The following RASL11A variants were observed in gnomAD, a reference collection of about 807,000 sequenced individuals.
The protein encoded by RASL11A is RAS like family 11 member A.
Under a neutral mutation model 17.1 loss-of-function variants are expected in RASL11A, and 14 were observed. That is an observed-to-expected ratio of 0.82 (90% CI 0.54 to 1.28). The LOEUF (loss-of-function observed/expected upper bound fraction) is 1.28, where lower values mean the gene tolerates loss of function less well. Among genes scored for constraint, RASL11A ranks in the 50% most tolerant of loss-of-function variants. The pLI is 0.00. For missense variants in RASL11A, 283 were observed against 312.3 expected (o/e 0.91, Z 0.71); for synonymous variants, 146 against 132.5 (o/e 1.10, Z -0.70).
chr13:27,271,402 C>T lies in RASL11A; in HGVS notation c.125-82C>T, dbSNP rs1593267857. ...GCAGTGCCCACGGTTCTGCACCCTTCACTCCCCCCAGTTTGTCCGAGGTGC... is the reference window on the plus strand; with the variant it reads ...GCAGTGCCCACGGTTCTGCACCCTTTACTCCCCCCAGTTTGTCCGAGGTGC... On this transcript the variant is annotated intron_variant, in intron 1 of 3. Transcript: ENST00000241463. The T allele has an allele frequency of 1.4e-5, 22 of 1,578,444 alleles. No individual in the cohort carries two copies. The East Asian group carries it at 4.9e-4, about 35-fold the overall frequency.
chr13:27,272,367 A>C (rs1882321186), intron 3 of RASL11A, among the ~76,000 whole-genome samples: 1 of 152,182 alleles, frequency 6.6e-6, no homozygotes, highest in Non-Finnish European at 1.5e-5. Context: ...TCCTGACCTC[A>C]AGTGATCCGC....
rs74041100 is a variant in RASL11A at position 27,274,850 on chromosome 13, T to C, written c.*1356T>C. 0.016 allele frequency among the ~76,000 whole-genome samples: 2,362 copies of C among 152,194 alleles called. 64 individuals carry two copies. The highest frequency in any genetic ancestry group is 0.053 in the African/African-American group (2,212 of 41,468). Reference sequence around the variant, plus strand: ...GAGTGGTAAGTTTTAAGTAAACATATAATGAATAAATGAATGAATGCACCA... The same window carrying C: ...GAGTGGTAAGTTTTAAGTAAACATACAATGAATAAATGAATGAATGCACCA... On this transcript the variant is annotated 3_prime_UTR_variant, in exon 4 of 4. Transcript: ENST00000241463.
rs1882342360 is a variant in RASL11A, at chr13:27,273,040, T to TC, written c.280dup (p.Gln94ProfsTer26). ...ATGTTTTCTCAGATCCAAGACAGCC[T>TC]CCCCCAGGTCGTCGATTCCCTGTCC... On this transcript the variant is annotated frameshift_variant, in exon 4 of 4. Transcript: ENST00000241463. LOFTEE classifies it high-confidence loss of function. 2 of 1,613,484 alleles carry TC rather than the reference T, an allele frequency of 1.2e-6. No individual in the cohort carries two copies. The highest frequency in any genetic ancestry group is 1.7e-5 in the Admixed American group (1 of 60,004).
intron 1 of RASL11A, 129 bp from the exon 2 acceptor site, chr13:27,271,344 GGCACCACGGCT>G: frequency 6.7e-7 from 1 of 1,501,690 alleles, no homozygotes. Flanking sequence ...CCAAGCCCGC[GGCACCACGGCT>G]TTGCGGAGCC....
Position 27,271,541 on chromosome 13 carries a change from G to A in RASL11A, c.181+1G>A. 1 of 1,614,136 alleles carries A rather than the reference G, an allele frequency of 6.2e-7. No individual in the cohort carries two copies. The highest frequency in any genetic ancestry group is 8.5e-7 in the Non-Finnish European group (1 of 1,179,960). On this transcript the variant is annotated splice_donor_variant, in intron 2 of 3. Coordinates refer to ENST00000241463, the MANE Select transcript of RASL11A (RefSeq NM_206827.2). LOFTEE classifies it high-confidence loss of function. ...ATTGGAGACTATGAACCGAATACAGGTGAGAATACTTTCACGCTCCCTGCT... is the reference window on the plus strand; with the variant it reads ...ATTGGAGACTATGAACCGAATACAGATGAGAATACTTTCACGCTCCCTGCT...
At chr13:27,272,567 G>T (rs1882328588) in intron 3 of RASL11A, among the ~76,000 whole-genome samples, 1 of 152,184 alleles carries the variant, frequency 6.6e-6, no homozygotes, top group South Asian at 2.1e-4. Flanking sequence ...GTTCTCCAGA[G>T]GAAAGGTCTT....
At chr13:27,272,377 C>A (rs1291124772) in intron 3 of RASL11A, among the ~76,000 whole-genome samples, 1 of 152,202 alleles carries the variant, frequency 6.6e-6, no homozygotes, top group Non-Finnish European at 1.5e-5. Context: ...AAGTGATCCG[C>A]CCACCTCGGC....
Position 27,273,928 on chromosome 13 carries a change from G to A in RASL11A, c.*434G>A, listed in dbSNP as rs1014661769. Among the ~76,000 whole-genome samples the A allele has an allele frequency of 5.3e-5, 8 of 151,926 alleles. No homozygotes were observed. The highest frequency in any genetic ancestry group is 1.2e-4 in the Non-Finnish European group (8 of 67,990). The stretch of plus-strand genomic sequence containing the variant: ...GTGGGAGAAAGGAAAGTATGTGGAG[G>A]AGGAGAGGGATTTTAATAACGGCAG... On this transcript the variant is annotated 3_prime_UTR_variant, in exon 4 of 4. Transcript: ENST00000241463.
Position 27,271,633 on chromosome 13 carries a change from C to A in RASL11A, c.182-6C>A, listed in dbSNP as rs1186320874. 1 of 1,614,100 alleles carries A rather than the reference C, an allele frequency of 6.2e-7. No individual in the cohort carries two copies. The highest frequency in any genetic ancestry group is 1.7e-5 in the Admixed American group (1 of 60,032). ...ATTAAAAAGCAAACTCTACTTCATT[C>A]TCCAGGCAAGCTGTATTCACGGCTG... On this transcript the variant is annotated splice_polypyrimidine_tract_variant and splice_region_variant and intron_variant, in intron 2 of 3. Transcript: ENST00000241463.
chr13:27,273,694 T>A lies in RASL11A; in HGVS notation c.*200T>A. On this transcript the variant is annotated 3_prime_UTR_variant, in exon 4 of 4. Transcript: ENST00000241463. ...TGTTTTGTTTTATTAAAAGAACTTT[T>A]TTTTTTTTTTTTTTTTTTTTTTTTT... The A allele has an allele frequency of 8.5e-5, 15 of 175,814 alleles. No homozygotes were observed. Among genetic ancestry groups the A allele is most frequent in the Admixed American group, 1.3e-4 (2 of 15,020 alleles). The allele number at this position is 175,814 out of a possible 1,614,324, so 10.9% of individuals were successfully genotyped here.
At position 27,273,654 on chromosome 13, in the gene RASL11A, A is replaced by C. The variant is rs922271005; in HGVS notation, c.*160A>C. The stretch of plus-strand genomic sequence containing the variant: ...AAAATTCAAACAGTGATTGCCTAGA[A>C]GCTGGATAAAATTTTGTTTTGTTTT... On this transcript the variant is annotated 3_prime_UTR_variant, in exon 4 of 4. Coordinates refer to ENST00000241463, the MANE Select transcript of RASL11A (RefSeq NM_206827.2). The C allele has an allele frequency of 2.4e-6, 1 of 415,476 alleles. No homozygotes were observed. The highest frequency in any genetic ancestry group is 2.1e-5 in the African/African-American group (1 of 48,370). The allele number at this position is 415,476 out of a possible 1,614,324, so 25.7% of individuals were successfully genotyped here.
rs1354022018 is a variant in RASL11A at position 27,273,632 on chromosome 13, A to G, written c.*138A>G. The G allele has an allele frequency of 1.7e-6, 1 of 600,592 alleles. No homozygotes were observed. The highest frequency in any genetic ancestry group is 2.7e-6 in the Non-Finnish European group (1 of 372,426). 37.2% of individuals were successfully genotyped at this position (600,592 alleles called of 1,614,324 possible). A position where few individuals can be genotyped will look rare whatever the true frequency, so the allele number is the denominator to read the frequency against. On this transcript the variant is annotated 3_prime_UTR_variant, in exon 4 of 4. Coordinates refer to ENST00000241463, the MANE Select transcript of RASL11A (RefSeq NM_206827.2). The stretch of plus-strand genomic sequence containing the variant: ...TTCAAGTACATGTGTATTTCTGAAA[A>G]TTCAAACAGTGATTGCCTAGAAGCT...
At chr13:27,272,879 C>G in intron 3 of RASL11A, 148 bp from the exon 4 acceptor site, 1 of 657,066 alleles carries the variant, frequency 1.5e-6, no homozygotes. Flanking sequence ...TATCAAAAGC[C>G]TGCTTCTGCA....
At position 27,274,608 on chromosome 13, in the gene RASL11A, T is replaced by C. The variant is rs545754538; in HGVS notation, c.*1114T>C. 6.6e-6 allele frequency among the ~76,000 whole-genome samples: 1 copy of C among 152,322 alleles called. No homozygotes were observed. The highest frequency in any genetic ancestry group is 1.5e-5 in the Non-Finnish European group (1 of 68,030). On this transcript the variant is annotated 3_prime_UTR_variant, in exon 4 of 4. Transcript: ENST00000241463. ...CAAATATTTTTTCTGATTCTACACA[T>C]AATGGCTTGCTAACTCATCTTTAAA...
chr13:27,271,270 G>C (rs1882274895), intron 1 of RASL11A: 1 of 1,448,054 alleles, frequency 6.9e-7, no homozygotes, highest in Admixed American at 2.7e-5. Flanking sequence ...CTGGGATCTC[G>C]GCGGGATTGG....
At position 27,270,861 on chromosome 13, in the gene RASL11A, C is replaced by T; in HGVS notation, c.-84C>T. 3.3e-6 allele frequency: 5 copies of T among 1,517,546 alleles called. No homozygotes were observed. The highest frequency in any genetic ancestry group is 2.5e-5 in the East Asian group (1 of 39,614). 94.0% of individuals were successfully genotyped at this position (1,517,546 alleles called of 1,614,324 possible). On this transcript the variant is annotated 5_prime_UTR_variant, in exon 1 of 4. Coordinates refer to ENST00000241463, the MANE Select transcript of RASL11A (RefSeq NM_206827.2). ...CCGCCGCGGTCCCGGACCTCTAGTC[C>T]CGCACTCCCAGCTGGCGAGCCGGCT...
At chr13:27,272,498 C>T (rs1426601537) in intron 3 of RASL11A, among the ~76,000 whole-genome samples, 1 of 152,168 alleles carries the variant, frequency 6.6e-6, no homozygotes, top group African/African-American at 2.4e-5. Context: ...ATCAGATAAC[C>T]CCTTGGCAGA....
Position 27,273,374 on chromosome 13 carries a change from T to C in RASL11A, c.609T>C (p.Ser203=). The C allele has an allele frequency of 6.2e-7, 1 of 1,614,174 alleles. No homozygotes were observed. Among genetic ancestry groups the C allele is most frequent in the Middle Eastern group, 1.7e-4 (1 of 6,060 alleles). ...AAGTGAGCAAGATGCACGGCCTCAG[T>C]GGGGAAAGAAGAAGAGCCTCCATCA... is the stretch of plus-strand genomic sequence containing the variant. ...CKEVSKMHGL[S]GERRRASIIP... Residue 203 remains serine, a synonymous_variant, in exon 4 of 4, where the codon AGT becomes AGC. Transcript: ENST00000241463.
At position 27,275,040 on chromosome 13, in the gene RASL11A, T is replaced by C. The variant is rs1038361802; in HGVS notation, c.*1546T>C. Among the ~76,000 whole-genome samples, 2 of 152,218 alleles carry C rather than the reference T, an allele frequency of 1.3e-5. No homozygotes were observed. The highest frequency in any genetic ancestry group is 2.9e-5 in the Non-Finnish European group (2 of 68,044). On this transcript the variant is annotated 3_prime_UTR_variant, in exon 4 of 4. Transcript: ENST00000241463. The stretch of plus-strand genomic sequence containing the variant: ...ACCATTACCCTTCCAAAAGGACAGC[T>C]CTGTCCAGACCTGTGATGTCAGCAC...
Sources: allele counts gnomAD v4.1 joint callset (sites outside exome capture counted in the v4.1 genomes callset), GRCh38; gene constraint gnomAD v4.1.1; transcripts MANE v1.5; gene names NCBI Gene and HGNC (gene_info 2026-07-23, HGNC 2026-07-21).